The following GPA33 variants were observed in gnomAD, a reference collection of about 807,000 sequenced individuals.
GPA33 encodes glycoprotein A33.
Under a neutral mutation model 35.6 loss-of-function variants are expected in GPA33, and 27 were observed. The observed-to-expected ratio is 0.76, with a 90% CI of 0.56 to 1.04. The LOEUF (loss-of-function observed/expected upper bound fraction) is 1.04. Ranked by LOEUF, GPA33 falls within the 50% of genes least tolerant of loss-of-function variation. The pLI is 0.00. For missense variants in GPA33, 428 were observed against 411.9 expected, an observed-to-expected ratio of 1.04 and a Z score of -0.34; for synonymous variants, 176 against 164.0, an observed-to-expected ratio of 1.07 and a Z score of -0.56.
At chr1:167,065,891 G>C (rs1328790329) in intron 3 of GPA33, among the ~76,000 whole-genome samples, 1 of 152,130 alleles carries the variant, frequency 6.6e-6, no homozygotes, top group Admixed American at 6.5e-5. Flanking sequence ...GGAGCAGTGT[G>C]GGGAGGGGGA....
In GPA33 at chr1:167,053,836, CA is replaced by C. The variant is rs1176294899; in HGVS notation, c.*497del. On this transcript the variant is annotated 3_prime_UTR_variant, in exon 7 of 7. Coordinates refer to ENST00000367868, the MANE Select transcript of GPA33 (RefSeq NM_005814.3). ...AGGGAGTGGGAGCTGGAGGCCAGGC[CA>C]ATGCAGGGCCCAAGCATACTCACTT... is the stretch of plus-strand genomic sequence containing the variant. 3 of 130,692 alleles carry C rather than the reference CA, an allele frequency of 2.3e-5. No individual in the cohort carries two copies. Among genetic ancestry groups the C allele is most frequent in the Non-Finnish European group, 3.5e-5 (2 of 57,176 alleles). The allele number at this position is 130,692 out of a possible 1,614,324, so 8.1% of individuals were successfully genotyped here. A position where few individuals can be genotyped will look rare whatever the true frequency, so the allele number is the denominator to read the frequency against.
intron 1 of GPA33, among the ~76,000 whole-genome samples, chr1:167,078,986 T>C (rs1416163252): frequency 2.6e-5 from 4 of 152,186 alleles, no homozygotes; most frequent in Non-Finnish European, 4.4e-5. Flanking sequence ...CATACTCTGT[T>C]GTGGAGGTGC....
intron 4 of GPA33, among the ~76,000 whole-genome samples, chr1:167,062,134 C>G (rs1464357413): frequency 6.6e-6 from 1 of 151,926 alleles, no homozygotes; most frequent in East Asian, 1.9e-4. Flanking sequence ...CGGATGGACA[C>G]CTTTCAGGCC....
At chr1:167,063,047 G>A (rs1003803977) in intron 4 of GPA33, among the ~76,000 whole-genome samples, 7 of 152,350 alleles carry the variant, frequency 4.6e-5, no homozygotes, top group African/African-American at 1.7e-4. Flanking sequence ...AAGAAAACAA[G>A]TTAACATTTA....
At chr1:167,074,881 A>G (rs1055015947) in intron 1 of GPA33, among the ~76,000 whole-genome samples, 2 of 151,498 alleles carry the variant, frequency 1.3e-5, no homozygotes, top group Non-Finnish European at 2.9e-5. Context: ...GGAGAGATTT[A>G]AGCAGAGAAA....
At chr1:167,059,414 A>G (rs1395239215) in intron 4 of GPA33, among the ~76,000 whole-genome samples, 1 of 152,114 alleles carries the variant, frequency 6.6e-6, no homozygotes. Flanking sequence ...ATTCCCCTCA[A>G]GAGAACCTCC....
chr1:167,077,656 A>T (rs557105421), intron 1 of GPA33, among the ~76,000 whole-genome samples: 2 of 152,222 alleles, frequency 1.3e-5, no homozygotes, highest in African/African-American at 4.8e-5. Flanking sequence ...CCACTAAGTC[A>T]TTCCTTTAGA....
intron 4 of GPA33, among the ~76,000 whole-genome samples, chr1:167,056,713 T>TGTATGTGTAGA (rs1440561647): frequency 2.3e-3 from 15 of 6,504 alleles, no homozygotes; most frequent in East Asian, 0.013. Context: ...GTGTGTAGTG[T>TGTATGTGTAGA]GTGTGTAGTG....
chr1:167,086,005 G>C (rs1667039954), intron 1 of GPA33, among the ~76,000 whole-genome samples: 1 of 152,248 alleles, frequency 6.6e-6, no homozygotes, highest in Admixed American at 6.5e-5. Flanking sequence ...CCAGGGTTGA[G>C]AGCCACTGGC....
At chr1:167,085,094 T>C (rs1366467936) in intron 1 of GPA33, among the ~76,000 whole-genome samples, 1 of 152,122 alleles carries the variant, frequency 6.6e-6, no homozygotes, top group East Asian at 1.9e-4. Flanking sequence ...TCAGGAGAGA[T>C]GTTGGGTTTG....
At chr1:167,072,780 T>C (rs1666745253) in intron 2 of GPA33, among the ~76,000 whole-genome samples, 2 of 152,116 alleles carry the variant, frequency 1.3e-5, no homozygotes, top group South Asian at 2.1e-4. Flanking sequence ...ATGTGTGTAG[T>C]ATATGTAAAT....
At chr1:167,070,151 G>T (rs560057526) in intron 2 of GPA33, among the ~76,000 whole-genome samples, 1 of 152,286 alleles carries the variant, frequency 6.6e-6, no homozygotes, top group South Asian at 2.1e-4. Flanking sequence ...GTTGGAGTAG[G>T]ATAAAGGTGT....
chr1:167,073,425 T>C lies in GPA33; in HGVS notation c.158A>G (p.Glu53Gly). 6.2e-7 allele frequency: 1 copy of C among 1,613,988 alleles called. No individual in the cohort carries two copies. Among genetic ancestry groups the C allele is most frequent in the Non-Finnish European group, 8.5e-7 (1 of 1,179,858 alleles). ...CTYHTSTSSR[E>G]GLIQWDKLLL... ...GAGCTTATCCCATTGAATAAGTCCC[T>C]CTCGACTGGAGGTGGAAGTGTGGTA... Residue 53 changes from glutamate (E) to glycine (G), a missense_variant, in exon 2 of 7, where the codon GAG becomes GGG. Physicochemically the swap from Glu to Gly is moderately conservative, Grantham distance 98. Transcript: ENST00000367868.
chr1:167,063,557 C>T (rs772729172), intron 4 of GPA33, 25 bp downstream of exon 4: 2 of 1,579,970 alleles, frequency 1.3e-6, no homozygotes, highest in Non-Finnish European at 1.7e-6. Context: ...ACGTGGGGAG[C>T]CCGCCTTCCC....
intron 2 of GPA33, among the ~76,000 whole-genome samples, chr1:167,069,564 C>A (rs1404818938): frequency 1.3e-5 from 2 of 152,208 alleles, no homozygotes; most frequent in Non-Finnish European, 2.9e-5. Context: ...GGCTGCCAAA[C>A]CCACTTTATT....
chr1:167,070,860 G>A (rs1218306734), intron 2 of GPA33, among the ~76,000 whole-genome samples: 1 of 152,176 alleles, frequency 6.6e-6, no homozygotes, highest in African/African-American at 2.4e-5. Flanking sequence ...GGGAACGGCA[G>A]ACTTCCAGGG....
chr1:167,056,774 GTGGCAT>G lies in GPA33; in HGVS notation c.572-931_572-926del, dbSNP rs1370778361. Among the ~76,000 whole-genome samples the G allele has an allele frequency of 1.0e-3, 153 of 146,414 alleles. 2 individuals carry two copies. The highest frequency in any genetic ancestry group is 2.6e-3 in the East Asian group (13 of 5,022). On this transcript the variant is annotated intron_variant, in intron 4 of 6. Transcript: ENST00000367868. Reference sequence around the variant, plus strand: ...TGTGTATGGCGTGTGTGTGGTGTGTGTGGCATGTGTAGTGTGGTGCGTGTGGTGTGG... The same window carrying G: ...TGTGTATGGCGTGTGTGTGGTGTGTGGTGTAGTGTGGTGCGTGTGGTGTGG...
chr1:167,080,445 T>C (rs1240723128), intron 1 of GPA33, among the ~76,000 whole-genome samples: 1 of 152,206 alleles, frequency 6.6e-6, no homozygotes, highest in African/African-American at 2.4e-5. Context: ...GTCCTTTGTG[T>C]CACCTACTAC....
At chr1:167,063,497 T>G in intron 4 of GPA33, 85 bp downstream of exon 4, 16 of 1,280,166 alleles carry the variant, frequency 1.2e-5, no homozygotes, top group Non-Finnish European at 1.6e-5. Flanking sequence ...ATCTGATCGG[T>G]CAACCCAAGT....
Sources: allele counts gnomAD v4.1 joint callset (sites outside exome capture counted in the v4.1 genomes callset), GRCh38; gene constraint gnomAD v4.1.1; transcripts MANE v1.5; gene names NCBI Gene and HGNC (gene_info 2026-07-23, HGNC 2026-07-21).